GALNT8: variants seen among roughly 807,000 people sequenced by gnomAD.
GALNT8 encodes the protein polypeptide N-acetylgalactosaminyltransferase 8.
In GALNT8, 66 loss-of-function variants were observed where a neutral mutation model predicts 62.7. The observed-to-expected ratio is 1.05, with a 90% CI of 0.86 to 1.29. The LOEUF (loss-of-function observed/expected upper bound fraction) is 1.29, where lower values mean the gene tolerates loss of function less well. Among genes scored for constraint, GALNT8 ranks in the 50% most tolerant of loss-of-function variants. The probability of loss-of-function intolerance (pLI) is 0.00; values close to 1 mark genes in which losing one functional copy is unlikely to be tolerated. For missense variants in GALNT8, 771 were observed against 791.8 expected, an observed-to-expected ratio of 0.97 and a Z score of 0.32; for synonymous variants, 288 against 294.3, an observed-to-expected ratio of 0.98 and a Z score of 0.22.
chr12:4,737,716 G>A (rs1156957324), intron 2 of GALNT8, among the ~76,000 whole-genome samples: 1 of 152,176 alleles, frequency 6.6e-6, no homozygotes, highest in Admixed American at 6.5e-5. Flanking sequence ...GGTCGTGAAG[G>A]CTCTGCTCTG....
chr12:4,771,968 G>A (rs1946426670), intron 10 of GALNT8, among the ~76,000 whole-genome samples: 1 of 152,308 alleles, frequency 6.6e-6, no homozygotes, highest in East Asian at 1.9e-4. Flanking sequence ...AATAGGAGAG[G>A]CGGGAAGCTG....
chr12:4,758,600 A>C (rs980104889), intron 6 of GALNT8, among the ~76,000 whole-genome samples: 1 of 135,684 alleles, frequency 7.4e-6, no homozygotes, highest in Admixed American at 7.6e-5. Context: ...CAGAAGCTTA[A>C]TGTCTCTGTG....
intron 6 of GALNT8, among the ~76,000 whole-genome samples, chr12:4,751,470 G>T (rs977958357): frequency 6.6e-6 from 1 of 152,008 alleles, no homozygotes; most frequent in African/African-American, 2.4e-5. Flanking sequence ...ATTATCATTT[G>T]TTTTAAGAAA....
At chr12:4,758,065 C>T (rs1049441790) in intron 6 of GALNT8, among the ~76,000 whole-genome samples, 3 of 152,190 alleles carry the variant, frequency 2.0e-5, no homozygotes, top group African/African-American at 7.2e-5. Flanking sequence ...TCAGTTTCTA[C>T]AAGACATTCT....
chr12:4,736,032 C>A (rs1054488361), intron 2 of GALNT8, among the ~76,000 whole-genome samples: 2 of 152,128 alleles, frequency 1.3e-5, no homozygotes, highest in African/African-American at 4.8e-5. Context: ...AATGGCAGAA[C>A]AACCAGAAAT....
chr12:4,772,569 G>A lies in GALNT8; in HGVS notation c.1886G>A (p.Arg629Lys). The A allele has an allele frequency of 1.9e-6, 3 of 1,613,914 alleles. No homozygotes were observed. Among genetic ancestry groups the A allele is most frequent in the Non-Finnish European group, 2.5e-6 (3 of 1,179,926 alleles). Reference sequence around the variant, plus strand: ...GTGTGGGAAATCCAGCACACTGTCAGAGACTGGGGTCAGACCAACAGCCAG... The same window carrying A: ...GTGTGGGAAATCCAGCACACTGTCAAAGACTGGGGTCAGACCAACAGCCAG... The part of the protein sequence containing the change: ...TQVWEIQHTV[R>K]DWGQTNSQ The change falls in exon 11 of 11, where the codon AGA becomes AAA. Residue 629 changes from arginine to lysine, a missense_variant. Arg to Lys is a conservative substitution (Grantham distance 26). Transcript: ENST00000252318.
Position 4,726,912 on chromosome 12 carries a change from G to C in GALNT8, c.509+83G>C, listed in dbSNP as rs559672152. On this transcript the variant is annotated intron_variant, in intron 2 of 10. Transcript: ENST00000252318. The surrounding 1 kb of genome is among the most constrained non-coding windows in gnomAD (Gnocchi z 4.1). ...TGGGAGCAGTGAACATTGAAGGCTGGGGGAGTGGGGGATTGTTGGGGAAGG... is the reference window on the plus strand; with the variant it reads ...TGGGAGCAGTGAACATTGAAGGCTGCGGGAGTGGGGGATTGTTGGGGAAGG... 171 of 1,180,964 alleles carry C rather than the reference G, an allele frequency of 1.4e-4. No individual in the cohort carries two copies. The African/African-American group carries it at 2.4e-3, about 16-fold the overall frequency. The allele number at this position is 1,180,964 out of a possible 1,614,324, so 73.2% of individuals were successfully genotyped here. A position where few individuals can be genotyped will look rare whatever the true frequency, so the allele number is the denominator to read the frequency against.
In GALNT8 at chr12:4,744,760, C is replaced by T. The variant is rs142386805; in HGVS notation, c.860+60C>T. Reference sequence around the variant, plus strand: ...GCAGAGAGGAGATATTGTGCATGTACTGAACACAAGACAGGATACTGTGGA... The same window carrying T: ...GCAGAGAGGAGATATTGTGCATGTATTGAACACAAGACAGGATACTGTGGA... On this transcript the variant is annotated intron_variant, in intron 4 of 10. Coordinates refer to ENST00000252318, the MANE Select transcript of GALNT8 (RefSeq NM_017417.2). The T allele has an allele frequency of 1.4e-4, 163 of 1,135,682 alleles. No individual in the cohort carries two copies. The African/African-American group carries it at 2.2e-3, about 16-fold the overall frequency. 70.4% of individuals were successfully genotyped at this position (1,135,682 alleles called of 1,614,324 possible). A position where few individuals can be genotyped will look rare whatever the true frequency, so the allele number is the denominator to read the frequency against.
chr12:4,720,968 G>A (rs1188326828), intron 1 of GALNT8, 80 bp downstream of exon 1: 13 of 828,716 alleles, frequency 1.6e-5, no homozygotes, highest in South Asian at 1.3e-4. Context: ...GATATGGAAG[G>A]AAAAATGGGT....
At chr12:4,738,818 T>C (rs1565384065) in intron 2 of GALNT8, among the ~76,000 whole-genome samples, 1 of 151,990 alleles carries the variant, frequency 6.6e-6, no homozygotes. Flanking sequence ...TCTGAGAACA[T>C]GGGAAAAGGG....
intron 6 of GALNT8, among the ~76,000 whole-genome samples, chr12:4,747,555 C>CT (rs552330267): frequency 4.6e-5 from 7 of 151,458 alleles, no homozygotes; most frequent in South Asian, 4.2e-4. Flanking sequence ...CGGCCTCATT[C>CT]TTTTTTTTTA....
intron 3 of GALNT8, 72 bp downstream of exon 3, chr12:4,739,401 T>C (rs1405642273): frequency 7.6e-6 from 10 of 1,309,788 alleles, no homozygotes; most frequent in Non-Finnish European, 1.1e-5. Flanking sequence ...AAAGAGGTTT[T>C]GGCTTAGAGT....
intron 3 of GALNT8, among the ~76,000 whole-genome samples, chr12:4,741,877 AGG>A (rs1946273808): frequency 6.6e-6 from 1 of 152,238 alleles, no homozygotes; most frequent in South Asian, 2.1e-4. Context: ...TTACAGGGAC[AGG>A]AATTAGAGAG....
chr12:4,730,865 T>TC (rs1443460847), intron 2 of GALNT8, among the ~76,000 whole-genome samples: 1 of 149,792 alleles, frequency 6.7e-6, no homozygotes, highest in East Asian at 1.9e-4. Context: ...ATTTTTCTTT[T>TC]CTTTTTTTTT....
intron 3 of GALNT8, among the ~76,000 whole-genome samples, chr12:4,742,437 A>G (rs1404325703): frequency 6.6e-6 from 1 of 152,238 alleles, no homozygotes. Context: ...CAACAACTAC[A>G]TGTTGAGTTT....
chr12:4,735,302 A>T (rs936186560), intron 2 of GALNT8, among the ~76,000 whole-genome samples: 3 of 152,194 alleles, frequency 2.0e-5, no homozygotes, highest in Non-Finnish European at 4.4e-5. Context: ...AAATCTACTA[A>T]ATATCCTTCA....
intron 10 of GALNT8, chr12:4,768,324 C>T (rs1388165062): frequency 7.3e-6 from 2 of 274,088 alleles, no homozygotes; most frequent in East Asian, 9.0e-5. Flanking sequence ...TATACTTTAT[C>T]CTAAACCTCG....
At chr12:4,768,782 T>G (rs1314902240) in intron 10 of GALNT8, among the ~76,000 whole-genome samples, 1 of 152,256 alleles carries the variant, frequency 6.6e-6, no homozygotes, top group Non-Finnish European at 1.5e-5. Context: ...AGGTCTATAA[T>G]TCTTTCAGAT....
chr12:4,771,694 T>C lies in GALNT8; in HGVS notation c.1762-751T>C, dbSNP rs565394499. Among the ~76,000 whole-genome samples the C allele has an allele frequency of 1.2e-3, 178 of 151,962 alleles. 1 individual carries two copies. Among genetic ancestry groups the C allele is most frequent in the Non-Finnish European group, 1.2e-3 (83 of 67,954 alleles). On this transcript the variant is annotated intron_variant, in intron 10 of 10. Coordinates refer to ENST00000252318, the MANE Select transcript of GALNT8 (RefSeq NM_017417.2). ...AGCCTGACCCAGGCAGTAATGTAGA[T>C]CATGTGAGTCCTGCAAAGGGTGGAG... is the stretch of plus-strand genomic sequence containing the variant.
Sources: allele counts gnomAD v4.1 joint callset (sites outside exome capture counted in the v4.1 genomes callset), GRCh38; gene constraint gnomAD v4.1.1; non-coding constraint Gnocchi (gnomAD v3.1); transcripts MANE v1.5; gene names NCBI Gene and HGNC (gene_info 2026-07-23, HGNC 2026-07-21).